CFAP53: variants seen among roughly 807,000 people sequenced by gnomAD.
The protein encoded by CFAP53 is cilia and flagella associated protein 53.
CFAP53 carries 62 observed loss-of-function variants against 59.7 expected under a neutral mutation model. The ratio of observed to expected loss-of-function variants is 1.04; its 90% CI spans 0.85 to 1.28. The LOEUF (loss-of-function observed/expected upper bound fraction) is 1.28, where lower values mean the gene tolerates loss of function less well. Among genes scored for constraint, CFAP53 ranks in the 50% most tolerant of loss-of-function variants. The pLI is 0.00. For missense variants in CFAP53, 629 were observed against 615.6 expected (o/e 1.02, Z -0.23); for synonymous variants, 218 against 205.7 (o/e 1.06, Z -0.51).
chr18:50,257,340 T>G (rs1186461491), intron 3 of CFAP53, among the ~76,000 whole-genome samples: 8 of 152,212 alleles, frequency 5.3e-5, no homozygotes, highest in Admixed American at 5.2e-4. Context: ...TATCCTTGTT[T>G]GCAGATGACA....
intron 7 of CFAP53, among the ~76,000 whole-genome samples, chr18:50,236,440 G>C (rs961949818): frequency 7.9e-5 from 12 of 152,202 alleles, no homozygotes; most frequent in Admixed American, 7.2e-4. Context: ...CCTTGAATCA[G>C]GATGGGCCTT....
In CFAP53 at chr18:50,259,130, A is replaced by G. The variant is rs140588993; in HGVS notation, c.473+1934T>C. On this transcript the variant is annotated intron_variant, in intron 3 of 7. Transcript: ENST00000398545. Reference sequence around the variant, plus strand: ...GGCCCAAAAGAAAGGAAATCAGTATATTGAAGAGATAGCTAAACTCCTATG... The same window carrying G: ...GGCCCAAAAGAAAGGAAATCAGTATGTTGAAGAGATAGCTAAACTCCTATG... 1.3e-3 allele frequency among the ~76,000 whole-genome samples: 195 copies of G among 152,342 alleles called. 1 individual carries two copies. The highest frequency in any genetic ancestry group is 4.5e-3 in the African/African-American group (188 of 41,578).
At position 50,251,522 on chromosome 18, in the gene CFAP53, G is replaced by A. The variant is rs1364050528; in HGVS notation, c.736C>T (p.Gln246Ter). 3 of 1,613,970 alleles carry A rather than the reference G, an allele frequency of 1.9e-6. No individual in the cohort carries two copies. The African/African-American group carries it at 4.0e-5, about 22-fold the overall frequency. Residue 246 changes from glutamine to a stop codon, truncating the protein, a stop_gained, in exon 4 of 8, where the codon CAG becomes TAG. Transcript: ENST00000398545. LOFTEE classifies it high-confidence loss of function. ...TCTTCCTTCAGCAGCTGTGTCGCCTGCCTTTGTGCCTTGATGCTGGTGATC... is the reference window on the plus strand; with the variant it reads ...TCTTCCTTCAGCAGCTGTGTCGCCTACCTTTGTGCCTTGATGCTGGTGATC... The part of the protein sequence containing the change: ...AQITSIKAQR[Q>*]ATQLLKEEEA...
At chr18:50,245,110 C>T (rs7237140) in intron 5 of CFAP53, among the ~76,000 whole-genome samples, 27,079 of 147,382 alleles carry the variant, frequency 0.18, 2,547 homozygotes, top group South Asian at 0.24. Flanking sequence ...AGGCTGGGCG[C>T]GGTGGCTCAC....
chr18:50,252,430 G>T (rs1292659540), intron 3 of CFAP53, among the ~76,000 whole-genome samples: 2 of 151,730 alleles, frequency 1.3e-5, no homozygotes, highest in Non-Finnish European at 2.9e-5. Flanking sequence ...AAGAGACAAG[G>T]TCTCACTCTG....
At chr18:50,250,649 A>T in intron 5 of CFAP53, 109 bp downstream of exon 5, 1 of 820,428 alleles carries the variant, frequency 1.2e-6, no homozygotes, top group Non-Finnish European at 2.0e-6. Flanking sequence ...TGGCTTGTGG[A>T]CCACACTCAG....
At chr18:50,241,131 CA>C (rs1208289536) in intron 6 of CFAP53, among the ~76,000 whole-genome samples, 69 of 152,312 alleles carry the variant, frequency 4.5e-4, no homozygotes, top group African/African-American at 1.6e-3. Flanking sequence ...TTCCAAGAGA[CA>C]AAGGTCATCT....
intron 1 of CFAP53, among the ~76,000 whole-genome samples, chr18:50,264,745 G>A (rs975537124): frequency 7.2e-5 from 11 of 152,128 alleles, no homozygotes; most frequent in African/African-American, 2.2e-4. Context: ...CAATAAGCCC[G>A]CTTCTCTGGT....
At chr18:50,261,335 AAAAG>A (rs1453373134) in intron 2 of CFAP53, 98 bp from the exon 3 acceptor site, 127 of 1,279,992 alleles carry the variant, frequency 9.9e-5, no homozygotes, top group Non-Finnish European at 1.2e-4. Context: ...AATTTGTAAG[AAAAG>A]AAAGATCACT....
intron 1 of CFAP53, among the ~76,000 whole-genome samples, chr18:50,266,060 T>C (rs1385599066): frequency 1.3e-5 from 2 of 152,176 alleles, no homozygotes; most frequent in Admixed American, 1.3e-4. Context: ...CTAAGATCCC[T>C]AGTGGTGATT....
chr18:50,234,957 G>A (rs554435775), intron 7 of CFAP53, among the ~76,000 whole-genome samples: 27 of 152,242 alleles, frequency 1.8e-4, no homozygotes, highest in Non-Finnish European at 2.9e-4. Context: ...ATCTTGAGAA[G>A]CTAAAGTCAT....
intron 3 of CFAP53, among the ~76,000 whole-genome samples, chr18:50,260,696 C>A (rs2033883644): frequency 6.6e-6 from 1 of 152,008 alleles, no homozygotes; most frequent in Non-Finnish European, 1.5e-5. Flanking sequence ...CCAGGGAACC[C>A]AAGCACACAT....
chr18:50,240,270 GATTCATTCAGATTACCTGCTCCACCCTA>G (rs2033677845), intron 6 of CFAP53, among the ~76,000 whole-genome samples: 1 of 150,704 alleles, frequency 6.6e-6, no homozygotes, highest in Admixed American at 6.6e-5. Context: ...ACCCCACCCT[GATTCATTCAGATTACCTGCTCCACCCTA>G]ACTCATTCTG....
chr18:50,251,884 C>G, intron 3 of CFAP53, 100 bp from the exon 4 acceptor site: 1 of 1,066,936 alleles, frequency 9.4e-7, no homozygotes. Flanking sequence ...CAAGAAAAAT[C>G]AGAGACCTGG....
At chr18:50,264,657 A>T (rs1032960675) in intron 1 of CFAP53, among the ~76,000 whole-genome samples, 2 of 152,020 alleles carry the variant, frequency 1.3e-5, no homozygotes, top group Non-Finnish European at 2.9e-5. Context: ...TTCTTATCAC[A>T]CTCAGACACC....
At chr18:50,229,619 G>A (rs1451282506) in intron 7 of CFAP53, among the ~76,000 whole-genome samples, 1 of 151,994 alleles carries the variant, frequency 6.6e-6, no homozygotes, top group Non-Finnish European at 1.5e-5. Context: ...GCCAGATTAT[G>A]TAGTAGTTTT....
intron 2 of CFAP53, 115 bp downstream of exon 2, chr18:50,261,875 T>A: frequency 1.4e-6 from 1 of 699,854 alleles, no homozygotes; most frequent in South Asian, 2.0e-5. Flanking sequence ...TAGCTATGGA[T>A]TTAATATAAA....
In CFAP53 at chr18:50,227,452, A is replaced by G. The variant is rs776044706; in HGVS notation, c.1474T>C (p.Ser492Pro). Residue 492 changes from serine to proline, a missense_variant, in exon 8 of 8, where the codon TCC (serine) becomes CCC (proline). Transcript: ENST00000398545. The part of the protein sequence containing the change: ...MCLDKVQEVL[S>P]THQVLPQNIH... ...TTTTGAGGCAGCACTTGATGGGTGG[A>G]CAGGACCTCCTGGACCTTGTCCAAA... 11 of 1,614,160 alleles carry G rather than the reference A, an allele frequency of 6.8e-6. 1 individual carries two copies. In the South Asian group the frequency reaches 1.1e-4, roughly 16 times the overall value.
Position 50,261,208 on chromosome 18 carries a change from T to C in CFAP53, c.329A>G (p.Asn110Ser), listed in dbSNP as rs1415630339. The change falls in exon 3 of 8, where the codon AAT becomes AGT. Residue 110 changes from asparagine (N) to serine (S), a missense_variant. Coordinates refer to ENST00000398545, the MANE Select transcript of CFAP53 (RefSeq NM_145020.5). The part of the protein sequence containing the change: ...KLRELLALEE[N>S]EYFTEMQLKK... ...CAATTGCATTTCTGTAAAATACTCA[T>C]TTTCTTCTAATGCTAAAAGCTCACG... 1.3e-6 allele frequency: 2 copies of C among 1,566,140 alleles called. No homozygotes were observed. Among genetic ancestry groups the C allele is most frequent in the Non-Finnish European group, 1.7e-6 (2 of 1,166,668 alleles).
Sources: gnomAD v4.1 joint callset for allele counts (sites outside exome capture counted in the v4.1 genomes callset) on GRCh38, gnomAD v4.1.1 for gene constraint, MANE v1.5 for transcripts, NCBI Gene and HGNC (gene_info 2026-07-23, HGNC 2026-07-21) for gene names.